Variants in STPG4 observed in about 807,000 individuals in gnomAD.
STPG4 encodes protein STPG4.
A neutral mutation model predicts 31.5 loss-of-function variants in STPG4; 41 were observed. The observed-to-expected ratio is 1.30, with a 90% confidence interval of 1.01 to 1.69. STPG4 has a LOEUF of 1.69. Among genes scored for constraint, STPG4 ranks in the 40% most tolerant of loss-of-function variants. The pLI is 0.00. For missense variants in STPG4, 375 were observed against 293.4 expected (o/e 1.28, Z -2.03); for synonymous variants, 141 against 103.0 (o/e 1.37, Z -2.24).
chr2:47,152,044 T>A (rs1435357419), intron 2 of STPG4, among the ~76,000 whole-genome samples: 1 of 152,148 alleles, frequency 6.6e-6, no homozygotes, highest in Non-Finnish European at 1.5e-5. Context: ...ATTACAGGCG[T>A]GAGCCACCAG....
At chr2:47,135,012 A>G (rs1686568456) in intron 3 of STPG4, among the ~76,000 whole-genome samples, 1 of 152,182 alleles carries the variant, frequency 6.6e-6, no homozygotes, top group Non-Finnish European at 1.5e-5. Context: ...AGAGGTGTAT[A>G]TTAAGGAGTT....
intron 5 of STPG4, among the ~76,000 whole-genome samples, chr2:47,125,192 G>A (rs1295923072): frequency 6.6e-6 from 1 of 152,108 alleles, no homozygotes; most frequent in Admixed American, 6.6e-5. Context: ...AGGCCAAGGT[G>A]GGCAGATCGC....
intron 6 of STPG4, among the ~76,000 whole-genome samples, chr2:47,087,914 G>A (rs1184611615): frequency 6.6e-6 from 1 of 151,508 alleles, no homozygotes; most frequent in Non-Finnish European, 1.5e-5. Flanking sequence ...ACCACACCCA[G>A]CTAAATTTTT....
Position 47,098,816 on chromosome 2 carries a change from G to A in STPG4, c.520-8442C>T, listed in dbSNP as rs543365919. Reference sequence around the variant, plus strand: ...AGAATCCTGTGTGGAGGTGGGTACAGAGAAAAGCTACAGCCACCTCTCTGG... The same window carrying A: ...AGAATCCTGTGTGGAGGTGGGTACAAAGAAAAGCTACAGCCACCTCTCTGG... On this transcript the variant is annotated intron_variant, in intron 5 of 6. Coordinates refer to ENST00000445927, the MANE Select transcript of STPG4 (RefSeq NM_001163561.2). 2.6e-5 allele frequency among the ~76,000 whole-genome samples: 4 copies of A among 150,992 alleles called. No individual in the cohort carries two copies. The South Asian group carries it at 8.4e-4, about 32-fold the overall frequency.
In STPG4 at chr2:47,093,398, A is replaced by T. The variant is rs148035238; in HGVS notation, c.520-3024T>A. ...ATCTAAGCCCTAATAAACACAAAGA[A>T]GCAAAACGCCAAGAAAATCTGCACA... On this transcript the variant is annotated intron_variant, in intron 5 of 6. Coordinates refer to ENST00000445927, the MANE Select transcript of STPG4 (RefSeq NM_001163561.2). 3.9e-5 allele frequency among the ~76,000 whole-genome samples: 6 copies of T among 152,354 alleles called. No individual in the cohort carries two copies. The East Asian group carries it at 1.2e-3, about 29-fold the overall frequency.
chr2:47,135,841 CTATT>C (rs1343144371), intron 3 of STPG4, among the ~76,000 whole-genome samples: 19 of 152,264 alleles, frequency 1.2e-4, no homozygotes, highest in African/African-American at 3.9e-4. Flanking sequence ...TTCCATTGAT[CTATT>C]TGTCTATTCT....
At chr2:47,125,706 T>A (rs1686351104) in intron 5 of STPG4, among the ~76,000 whole-genome samples, 1 of 145,340 alleles carries the variant, frequency 6.9e-6, no homozygotes, top group Non-Finnish European at 1.5e-5. Flanking sequence ...AATTTCATAG[T>A]TTGAGGTCTT....
At chr2:47,116,052 G>T (rs1046292527) in intron 5 of STPG4, among the ~76,000 whole-genome samples, 2 of 152,186 alleles carry the variant, frequency 1.3e-5, no homozygotes, top group Non-Finnish European at 2.9e-5. Flanking sequence ...TTTTCCTAGG[G>T]TTCCCTAAGT....
chr2:47,146,852 G>A (rs1301761673), intron 3 of STPG4, among the ~76,000 whole-genome samples: 2 of 151,734 alleles, frequency 1.3e-5, no homozygotes, highest in Admixed American at 6.6e-5. Context: ...AAAGAGGGGA[G>A]AGTGGCTGGG....
intron 5 of STPG4, among the ~76,000 whole-genome samples, chr2:47,115,116 C>T (rs1686119961): frequency 6.6e-6 from 1 of 152,078 alleles, no homozygotes; most frequent in African/African-American, 2.4e-5. Context: ...TCAATTAGTG[C>T]CTCATTTTTT....
intron 6 of STPG4, among the ~76,000 whole-genome samples, chr2:47,089,803 T>C (rs1685532473): frequency 2.6e-5 from 4 of 152,186 alleles, no homozygotes; most frequent in Admixed American, 6.5e-5. Flanking sequence ...CTGTCTGTCC[T>C]GAGTTTTTGG....
intron 3 of STPG4, among the ~76,000 whole-genome samples, chr2:47,143,480 C>T (rs1459292132): frequency 6.6e-6 from 1 of 151,232 alleles, no homozygotes; most frequent in Non-Finnish European, 1.5e-5. Context: ...AGCTCATGCC[C>T]TTTGCTCATT....
At chr2:47,143,517 G>A (rs1474154702) in intron 3 of STPG4, among the ~76,000 whole-genome samples, 87 of 147,276 alleles carry the variant, frequency 5.9e-4, no homozygotes, top group African/African-American at 2.0e-3. Context: ...ACAGATTCTC[G>A]CTCTGTCGCC....
chr2:47,123,551 C>A (rs1385442854), intron 5 of STPG4, among the ~76,000 whole-genome samples: 1 of 152,140 alleles, frequency 6.6e-6, no homozygotes, highest in African/African-American at 2.4e-5. Context: ...AAGGGGACAG[C>A]AAATTTGAAT....
At chr2:47,088,061 T>C (rs898187310) in intron 6 of STPG4, among the ~76,000 whole-genome samples, 1 of 152,000 alleles carries the variant, frequency 6.6e-6, no homozygotes, top group Non-Finnish European at 1.5e-5. Context: ...CCGGGGTTTT[T>C]TGTTTTTGTT....
intron 5 of STPG4, among the ~76,000 whole-genome samples, chr2:47,126,558 C>A (rs1478981775): frequency 6.6e-6 from 1 of 152,140 alleles, no homozygotes; most frequent in East Asian, 1.9e-4. Context: ...AACTGCTGGA[C>A]TCAAGCAATC....
At chr2:47,104,625 G>C (rs1310622209) in intron 5 of STPG4, among the ~76,000 whole-genome samples, 1 of 151,964 alleles carries the variant, frequency 6.6e-6, no homozygotes, top group African/African-American at 2.4e-5. Flanking sequence ...TGCCCCAGGG[G>C]TTTAGGGATA....
intron 5 of STPG4, among the ~76,000 whole-genome samples, chr2:47,098,033 G>C (rs1052091185): frequency 6.6e-6 from 1 of 151,728 alleles, no homozygotes; most frequent in African/African-American, 2.4e-5. Context: ...TTTCACGTGT[G>C]TATGAACATG....
At chr2:47,088,876 C>T (rs1685512675) in intron 6 of STPG4, among the ~76,000 whole-genome samples, 1 of 152,174 alleles carries the variant, frequency 6.6e-6, no homozygotes, top group Non-Finnish European at 1.5e-5. Flanking sequence ...GTTCAAAGTG[C>T]ATGTGGAGTC....
Sources: allele counts gnomAD v4.1 joint callset (sites outside exome capture counted in the v4.1 genomes callset), GRCh38; gene constraint gnomAD v4.1.1; transcripts MANE v1.5; gene names NCBI Gene and HGNC (gene_info 2026-07-23, HGNC 2026-07-21).